CLYBL: variants seen among roughly 807,000 people sequenced by gnomAD.
CLYBL encodes the protein citramalyl-CoA lyase, mitochondrial.
Under a neutral mutation model 38.9 loss-of-function variants are expected in CLYBL, and 31 were observed. The ratio of observed to expected loss-of-function variants is 0.80; its 90% CI spans 0.60 to 1.08. CLYBL has a LOEUF of 1.08. Ranked by LOEUF, CLYBL falls within the 50% of genes least tolerant of loss-of-function variation. CLYBL has a pLI of 0.00. For synonymous variants in CLYBL, 171 were observed against 158.6 expected (o/e 1.08, Z -0.59); for missense variants, 434 against 411.6 (o/e 1.05, Z -0.47).
chr13:99,715,257 T>G (rs2048294846), intron 1 of CLYBL, among the ~76,000 whole-genome samples: 1 of 152,148 alleles, frequency 6.6e-6, no homozygotes, highest in African/African-American at 2.4e-5. Context: ...CGTTTCAGCT[T>G]TTGACTAACT....
intron 1 of CLYBL, among the ~76,000 whole-genome samples, chr13:99,688,225 C>T (rs1211323787): frequency 6.6e-6 from 1 of 151,394 alleles, no homozygotes; most frequent in Non-Finnish European, 1.5e-5. Context: ...TTCCTTCATA[C>T]ATTTTTTTTT....
chr13:99,649,483 A>G (rs1352514051), intron 1 of CLYBL, among the ~76,000 whole-genome samples: 1 of 152,190 alleles, frequency 6.6e-6, no homozygotes, highest in Non-Finnish European at 1.5e-5. Flanking sequence ...TTGCAATGTC[A>G]TTGTTTCTTT....
intron 2 of CLYBL, among the ~76,000 whole-genome samples, chr13:99,781,389 C>T (rs1387079794): frequency 6.6e-6 from 1 of 151,934 alleles, no homozygotes; most frequent in Non-Finnish European, 1.5e-5. Context: ...CCAGGATGGT[C>T]TCAATCTCCT....
chr13:99,803,114 C>T (rs535320509), intron 2 of CLYBL, among the ~76,000 whole-genome samples: 2 of 152,176 alleles, frequency 1.3e-5, no homozygotes, highest in African/African-American at 4.8e-5. Flanking sequence ...CTGACTAGAC[C>T]AACAAGGGGT....
chr13:99,708,068 C>G (rs1182800469), intron 1 of CLYBL, among the ~76,000 whole-genome samples: 1 of 152,144 alleles, frequency 6.6e-6, no homozygotes, highest in African/African-American at 2.4e-5. Context: ...ACTGCAACTT[C>G]CACCCCCTGG....
intron 2 of CLYBL, among the ~76,000 whole-genome samples, chr13:99,842,005 A>T (rs375643408): frequency 3.3e-5 from 5 of 151,666 alleles, no homozygotes; most frequent in African/African-American, 1.2e-4. Flanking sequence ...TTCAATAGAG[A>T]CAGGGTTTCA....
intron 2 of CLYBL, among the ~76,000 whole-genome samples, chr13:99,779,309 A>C (rs553221522): frequency 2.6e-4 from 39 of 151,864 alleles, no homozygotes; most frequent in African/African-American, 8.9e-4. Flanking sequence ...CGCCCAGTTA[A>C]TTTTTGTATT....
At chr13:99,777,613 C>G (rs747620266) in intron 2 of CLYBL, among the ~76,000 whole-genome samples, 3 of 152,044 alleles carry the variant, frequency 2.0e-5, no homozygotes, top group African/African-American at 4.8e-5. Context: ...CTTTCTCAGC[C>G]TCCCGAGTAG....
intron 2 of CLYBL, among the ~76,000 whole-genome samples, chr13:99,804,131 A>G (rs1404798836): frequency 6.6e-6 from 1 of 152,246 alleles, no homozygotes; most frequent in Non-Finnish European, 1.5e-5. Flanking sequence ...GCTTTCACTC[A>G]ACAGGAGAAA....
chr13:99,754,001 C>T (rs1164736380), intron 1 of CLYBL, among the ~76,000 whole-genome samples: 6 of 141,108 alleles, frequency 4.3e-5, no homozygotes, highest in Non-Finnish European at 7.6e-5. Flanking sequence ...GCAGAAGAAT[C>T]GCTTGAACCG....
At chr13:99,623,530 C>T (rs918995077) in intron 1 of CLYBL, among the ~76,000 whole-genome samples, 1 of 152,120 alleles carries the variant, frequency 6.6e-6, no homozygotes, top group African/African-American at 2.4e-5. Context: ...TCTCCTGTTC[C>T]CTCAAGCAGG....
chr13:99,867,654 C>T (rs912591963), intron 6 of CLYBL, among the ~76,000 whole-genome samples: 2 of 152,152 alleles, frequency 1.3e-5, no homozygotes, highest in Admixed American at 6.5e-5. Context: ...GTTCCTGCCT[C>T]TTTCCAACGG....
chr13:99,839,515 A>C (rs931236761), intron 2 of CLYBL, among the ~76,000 whole-genome samples: 2 of 152,142 alleles, frequency 1.3e-5, no homozygotes, highest in African/African-American at 4.8e-5. Flanking sequence ...TAACCTGCTG[A>C]TGATGTTTAC....
At chr13:99,640,460 C>T (rs572846941) in intron 1 of CLYBL, among the ~76,000 whole-genome samples, 1 of 152,236 alleles carries the variant, frequency 6.6e-6, no homozygotes, top group African/African-American at 2.4e-5. Flanking sequence ...TGCCTTATTG[C>T]TAAGGCTAGT....
At chr13:99,619,282 T>C (rs766046706) in intron 1 of CLYBL, among the ~76,000 whole-genome samples, 9 of 152,294 alleles carry the variant, frequency 5.9e-5, no homozygotes, top group Middle Eastern at 3.4e-3. Context: ...CCTTCCACCC[T>C]GCGCCATGTG....
At chr13:99,816,604 C>T (rs749739949) in intron 2 of CLYBL, among the ~76,000 whole-genome samples, 1 of 152,214 alleles carries the variant, frequency 6.6e-6, no homozygotes, top group South Asian at 2.1e-4. Context: ...ATGGAGCCCA[C>T]ATGAACTGGA....
intron 3 of CLYBL, among the ~76,000 whole-genome samples, chr13:99,859,698 G>A (rs746622386): frequency 2.6e-5 from 4 of 152,182 alleles, no homozygotes; most frequent in Admixed American, 6.5e-5. Context: ...AAAGTGGTTG[G>A]CATGTCAAAT....
chr13:99,844,604 T>A (rs374195117), intron 2 of CLYBL, among the ~76,000 whole-genome samples: 1 of 152,214 alleles, frequency 6.6e-6, no homozygotes, highest in South Asian at 2.1e-4. Context: ...TTTGCTAAGC[T>A]TGTCCTCAAA....
At position 99,869,320 on chromosome 13, in the gene CLYBL, G is replaced by A. The variant is rs561409656; in HGVS notation, c.803-1618G>A. Among the ~76,000 whole-genome samples, 1 of 152,222 alleles carries A rather than the reference G, an allele frequency of 6.6e-6. No homozygotes were observed. Among genetic ancestry groups the A allele is most frequent in the South Asian group, 2.1e-4 (1 of 4,820 alleles). On this transcript the variant is annotated intron_variant, in intron 6 of 8. Transcript: ENST00000339105. This position sits in a 1 kb window ranked among gnomAD's most constrained non-coding sequence, Gnocchi z 4.3. ...GAAATCTGGCTTTTTACGCATTGGTGTAAATTATGTACATAAATTATGAAA... is the reference window on the plus strand; with the variant it reads ...GAAATCTGGCTTTTTACGCATTGGTATAAATTATGTACATAAATTATGAAA...
Sources: allele counts gnomAD v4.1 joint callset (sites outside exome capture counted in the v4.1 genomes callset), GRCh38; gene constraint gnomAD v4.1.1; non-coding constraint Gnocchi (gnomAD v3.1); transcripts MANE v1.5; gene names NCBI Gene and HGNC (gene_info 2026-07-23, HGNC 2026-07-21).